PCDH11Y: variants seen among roughly 807,000 people sequenced by gnomAD.
The protein encoded by PCDH11Y is protocadherin 11 Y-linked.
For missense variants in PCDH11Y, 12 were observed against 224.8 expected, an observed-to-expected ratio of 0.05 and a Z score of 6.05; for synonymous variants, 9 against 83.6, an observed-to-expected ratio of 0.11 and a Z score of 4.87.
chrY:5,332,139 C>A, intron 2 of PCDH11Y, among the ~76,000 whole-genome samples: 2 of 33,626 alleles, frequency 5.9e-5, no homozygotes, highest in Admixed American at 5.4e-4. Context: ...TGCCTGTAAT[C>A]CCTGCTACTC....
chrY:5,325,170 C>G, intron 2 of PCDH11Y, among the ~76,000 whole-genome samples: 1 of 33,439 alleles, frequency 3.0e-5, no homozygotes, highest in African/African-American at 1.2e-4. Flanking sequence ...TACTTCAGGC[C>G]ATCTGGTCGT....
At chrY:5,418,977 T>C in intron 2 of PCDH11Y, among the ~76,000 whole-genome samples, 1 of 33,014 alleles carries the variant, frequency 3.0e-5, no homozygotes, top group Non-Finnish European at 7.5e-5. Flanking sequence ...AAATATCTTA[T>C]TGTCTAAAAC....
chrY:5,270,165 G>C, intron 2 of PCDH11Y, among the ~76,000 whole-genome samples: 4 of 28,048 alleles, frequency 1.4e-4, no homozygotes, highest in Non-Finnish European at 2.5e-4. Context: ...TTGGATGCCA[G>C]GTCAAAGAGT....
At chrY:5,410,279 G>T in intron 2 of PCDH11Y, among the ~76,000 whole-genome samples, 1 of 32,258 alleles carries the variant, frequency 3.1e-5, no homozygotes, top group Non-Finnish European at 7.5e-5. Context: ...GCTGAGGCAG[G>T]AGAATCGCTT....
At chrY:5,308,210 A>T in intron 2 of PCDH11Y, among the ~76,000 whole-genome samples, 1 of 33,310 alleles carries the variant, frequency 3.0e-5, no homozygotes, top group Non-Finnish European at 7.4e-5. Flanking sequence ...CTGCATTAAC[A>T]AAGTTCAAAA....
intron 2 of PCDH11Y, among the ~76,000 whole-genome samples, chrY:5,247,943 A>T: frequency 3.2e-5 from 1 of 31,042 alleles, no homozygotes; most frequent in African/African-American, 1.3e-4. Context: ...AATACTATAA[A>T]TACTTCTATG....
rs1329487721 is a variant in PCDH11Y, at chrY:5,629,467, C to T, written c.3352+47669C>T. On this transcript the variant is annotated intron_variant, in intron 4 of 4. Transcript: ENST00000400457. ...GTAATAACTAATGAAGGCTGTTTTCCCCTCTTCTTGAATAGCAACTTGTGG... is the reference window on the plus strand; with the variant it reads ...GTAATAACTAATGAAGGCTGTTTTCTCCTCTTCTTGAATAGCAACTTGTGG... 1.3e-3 allele frequency among the ~76,000 whole-genome samples: 45 copies of T among 34,357 alleles called. No individual in the cohort carries two copies. In the East Asian group the frequency reaches 0.032, roughly 24 times the overall value. The allele number at this position is 34,357 out of a possible 37,273, so 92.2% of individuals were successfully genotyped here.
chrY:5,623,502 C>T, intron 4 of PCDH11Y, among the ~76,000 whole-genome samples: 1 of 30,464 alleles, frequency 3.3e-5, no homozygotes, highest in Non-Finnish European at 7.9e-5. Context: ...GTCCATGCAT[C>T]CTTAATATTT....
At chrY:5,328,499 A>G (rs2053125384) in intron 2 of PCDH11Y, among the ~76,000 whole-genome samples, 1 of 32,703 alleles carries the variant, frequency 3.1e-5, no homozygotes, top group Non-Finnish European at 7.5e-5. Flanking sequence ...TATATTGAGA[A>G]TAAGATGGCC....
chrY:5,477,265 A>T, intron 2 of PCDH11Y, among the ~76,000 whole-genome samples: 1 of 32,867 alleles, frequency 3.0e-5, no homozygotes. Context: ...CTATTGAGAT[A>T]ATCATGTGGT....
chrY:5,721,947 C>A (rs2053595127), intron 4 of PCDH11Y, among the ~76,000 whole-genome samples: 1 of 33,162 alleles, frequency 3.0e-5, no homozygotes, highest in African/African-American at 1.1e-4. Flanking sequence ...TGAAAAAAAG[C>A]AAGCAACAAA....
At chrY:5,336,314 C>G in intron 2 of PCDH11Y, among the ~76,000 whole-genome samples, 1 of 31,873 alleles carries the variant, frequency 3.1e-5, no homozygotes, top group East Asian at 8.1e-4. Flanking sequence ...CTCTGTCGCC[C>G]AGGCTGGAGT....
chrY:5,239,684 C>G (rs2124655332), intron 2 of PCDH11Y, among the ~76,000 whole-genome samples: 1 of 33,607 alleles, frequency 3.0e-5, no homozygotes, highest in Admixed American at 2.7e-4. Context: ...GCTAAAAATG[C>G]TAACACTCAT....
At position 5,373,310 on chromosome Y, in the gene PCDH11Y, C is replaced by T. The variant is rs1602914227; in HGVS notation, c.3130-127747C>T. On this transcript the variant is annotated intron_variant, in intron 2 of 4. Transcript: ENST00000400457. Reference sequence around the variant, plus strand: ...CAAGCGATTTTCCTGCCTCAGCCTCCGAGTAGCTGGGATTACAGGCATGCG... The same window carrying T: ...CAAGCGATTTTCCTGCCTCAGCCTCTGAGTAGCTGGGATTACAGGCATGCG... Among the ~76,000 whole-genome samples, 8 of 23,403 alleles carry T rather than the reference C, an allele frequency of 3.4e-4. No homozygotes were observed. In the East Asian group the frequency reaches 8.3e-3, roughly 24 times the overall value. 62.8% of individuals were successfully genotyped at this position (23,403 alleles called of 37,273 possible). A position where few individuals can be genotyped will look rare whatever the true frequency, so the allele number is the denominator to read the frequency against.
At chrY:5,297,564 T>C in intron 2 of PCDH11Y, among the ~76,000 whole-genome samples, 2 of 33,476 alleles carry the variant, frequency 6.0e-5, no homozygotes. Context: ...GGATGGCAGA[T>C]TCCCCTCTGA....
chrY:5,321,597 G>A, intron 2 of PCDH11Y, among the ~76,000 whole-genome samples: 3 of 32,964 alleles, frequency 9.1e-5, no homozygotes. Flanking sequence ...CTAATAAGAA[G>A]GTATAAACTA....
chrY:5,192,603 A>G, intron 2 of PCDH11Y, among the ~76,000 whole-genome samples: 2 of 32,876 alleles, frequency 6.1e-5, no homozygotes, highest in African/African-American at 2.4e-4. Context: ...TTATACTCAG[A>G]GATTTAGCCT....
At chrY:5,738,084 C>A in exon 5 of PCDH11Y, 1 of 194,979 alleles carries the variant, frequency 5.1e-6, no homozygotes. Context: ...TACAGCTAGA[C>A]CCTTAGTCAA....
chrY:5,019,667 C>A (rs2052566459), intron 1 of PCDH11Y, among the ~76,000 whole-genome samples: 1 of 30,056 alleles, frequency 3.3e-5, no homozygotes, highest in Non-Finnish European at 7.9e-5. Flanking sequence ...TACACAATGG[C>A]CTTCAAAGTG....
Sources: allele counts gnomAD v4.1 joint callset (sites outside exome capture counted in the v4.1 genomes callset), GRCh38; gene constraint gnomAD v4.1.1; transcripts MANE v1.5; gene names NCBI Gene and HGNC (gene_info 2026-07-23, HGNC 2026-07-21).